Variants in ZW10 observed in about 807,000 individuals in gnomAD.
ZW10 encodes the protein zw10 kinetochore protein, also known as centromere/kinetochore protein zw10 homolog.
ZW10 carries 53 observed loss-of-function variants against 87.8 expected under a neutral mutation model. The ratio of observed to expected loss-of-function variants is 0.60; its 90% CI spans 0.48 to 0.76. The LOEUF (loss-of-function observed/expected upper bound fraction) is 0.76, where lower values mean the gene tolerates loss of function less well. ZW10 is among the 30% of genes least tolerant of loss of function. The pLI is 0.00. For missense variants in ZW10, 837 were observed against 923.0 expected, an observed-to-expected ratio of 0.91 and a Z score of 1.21; for synonymous variants, 312 against 329.2, an observed-to-expected ratio of 0.95 and a Z score of 0.57.
In ZW10 at chr11:113,773,604, C is replaced by G. The variant is rs1937669244; in HGVS notation, c.63G>C (p.Gly21=). 3.7e-6 allele frequency: 6 copies of G among 1,613,886 alleles called. No individual in the cohort carries two copies. In the African/African-American group the frequency reaches 8.0e-5, roughly 22 times the overall value. Residue 21 remains glycine, a synonymous_variant, in exon 1 of 16, where the codon GGG becomes GGC. Transcript: ENST00000200135. ...GCCGGGTCAGGCGGCTGATCCGGGTCCCCAGATCCTCCTTTTCCAGCCTCC... is the reference window on the plus strand; with the variant it reads ...GCCGGGTCAGGCGGCTGATCCGGGTGCCCAGATCCTCCTTTTCCAGCCTCC... ...HSGRLEKEDL[G]TRISRLTRRV... is the part of the protein sequence containing the mutation.
In ZW10 at chr11:113,760,900, C is replaced by A. The variant is rs150108580; in HGVS notation, c.259G>T (p.Val87Leu). Residue 87 changes from valine to leucine, a missense_variant, in exon 3 of 16, where the codon GTA (valine) becomes TTA (leucine). Physicochemically the swap from Val to Leu is conservative, Grantham distance 32. Coordinates refer to ENST00000200135, the MANE Select transcript of ZW10 (RefSeq NM_004724.4). ...AAGTCTGTAAATTCACCGGTTGATA[C>A]GTGAAGATCCCGGCGGACCTAATTC... ...IESEVRRDLH[V>L]STGEFTDLKQ... The A allele has an allele frequency of 3.1e-6, 5 of 1,613,934 alleles. No individual in the cohort carries two copies. The highest frequency in any genetic ancestry group is 3.3e-4 in the Middle Eastern group (2 of 6,062).
rs71063523 is a variant in ZW10 at position 113,770,970 on chromosome 11, ATT to A, written c.106-2005_106-2004del. On this transcript the variant is annotated intron_variant, in intron 1 of 15. Transcript: ENST00000200135. The stretch of plus-strand genomic sequence containing the variant: ...CTCAAGTCGGGGACTTGAGGATGCT[ATT>A]TTTTTTTTTTTTTTTTTTGAGACAG... Among the ~76,000 whole-genome samples the A allele has an allele frequency of 6.9e-4, 80 of 116,210 alleles. No homozygotes were observed. In the East Asian group the frequency reaches 7.6e-3, roughly 11 times the overall value. 76.2% of individuals were successfully genotyped at this position (116,210 alleles called of 152,430 possible).
At chr11:113,744,605 T>C (rs1336840879) in intron 9 of ZW10, among the ~76,000 whole-genome samples, 1 of 152,104 alleles carries the variant, frequency 6.6e-6, no homozygotes, top group Non-Finnish European at 1.5e-5. Flanking sequence ...AGCACTCTTT[T>C]TGAGACAGGG....
chr11:113,748,471 G>A (rs753819090), intron 7 of ZW10, 51 bp from the exon 8 acceptor site: 62 of 1,465,990 alleles, frequency 4.2e-5, no homozygotes, highest in Non-Finnish European at 5.1e-5. Context: ...TCGCAGTCCT[G>A]GAATATTCTT....
intron 11 of ZW10, among the ~76,000 whole-genome samples, chr11:113,739,636 C>A (rs1219450397): frequency 6.6e-6 from 1 of 152,168 alleles, no homozygotes; most frequent in African/African-American, 2.4e-5. Flanking sequence ...AGATGTTTGC[C>A]TGAGTCAACT....
At position 113,766,319 on chromosome 11, in the gene ZW10, T is replaced by C. The variant is rs536779153; in HGVS notation, c.240+2514A>G. Reference sequence around the variant, plus strand: ...GGTTGAGGCTGCAGTGAGCCTTGACTGTGCCACCCCACTCCAGCCTAGGCA... The same window carrying C: ...GGTTGAGGCTGCAGTGAGCCTTGACCGTGCCACCCCACTCCAGCCTAGGCA... On this transcript the variant is annotated intron_variant, in intron 2 of 15. Transcript: ENST00000200135. 2.8e-4 allele frequency among the ~76,000 whole-genome samples: 43 copies of C among 151,990 alleles called. No individual in the cohort carries two copies. In the East Asian group the frequency reaches 7.6e-3, roughly 27 times the overall value.
intron 7 of ZW10, among the ~76,000 whole-genome samples, chr11:113,754,663 A>C (rs1953764648): frequency 6.6e-6 from 1 of 152,080 alleles, no homozygotes; most frequent in African/African-American, 2.4e-5. Context: ...CCAGGAGTGC[A>C]GTAACGTGAA....
chr11:113,766,922 C>G (rs1350542891), intron 2 of ZW10, among the ~76,000 whole-genome samples: 1 of 151,886 alleles, frequency 6.6e-6, no homozygotes, highest in Non-Finnish European at 1.5e-5. Context: ...GAGGCTGAGG[C>G]AGGAGAATTG....
In ZW10 at chr11:113,733,592, T is replaced by C. The variant is rs1953514788; in HGVS notation, c.*102A>G. On this transcript the variant is annotated 3_prime_UTR_variant, in exon 16 of 16. Coordinates refer to ENST00000200135, the MANE Select transcript of ZW10 (RefSeq NM_004724.4). ...AAGTCAAACTTCCAAGATGTACTGG[T>C]TCACCAAAACCAATGGGCGATTCAA... is the stretch of plus-strand genomic sequence containing the variant. The C allele has an allele frequency of 2.0e-6, 3 of 1,532,620 alleles. No homozygotes were observed. The highest frequency in any genetic ancestry group is 2.7e-6 in the Non-Finnish European group (3 of 1,118,954). The allele number at this position is 1,532,620 out of a possible 1,614,324, so 94.9% of individuals were successfully genotyped here.
rs768843839 is a variant in ZW10, at chr11:113,748,400, G to T, written c.946C>A (p.Leu316Met). Residue 316 changes from leucine (L) to methionine (M), a missense_variant, in exon 8 of 16, where the codon CTG (leucine) becomes ATG (methionine). Physicochemically the swap from Leu to Met is conservative, Grantham distance 15 (BLOSUM62 2). Coordinates refer to ENST00000200135, the MANE Select transcript of ZW10 (RefSeq NM_004724.4). ...QLLDLPLDTD[L>M]ENEKTSTVPL... Reference sequence around the variant, plus strand: ...ACAGTAGATGTTTTTTCATTTTCCAGGTCAGTGTCAAGTGGCAAATCTGAA... The same window carrying T: ...ACAGTAGATGTTTTTTCATTTTCCATGTCAGTGTCAAGTGGCAAATCTGAA... 1 of 1,598,774 alleles carries T rather than the reference G, an allele frequency of 6.3e-7. No homozygotes were observed.
rs1334096736 is a variant in ZW10, at chr11:113,758,819, C to T, written c.581-113G>A. 4 of 937,456 alleles carry T rather than the reference C, an allele frequency of 4.3e-6. No homozygotes were observed. The East Asian group carries it at 1.0e-4, about 24-fold the overall frequency. 58.1% of individuals were successfully genotyped at this position (937,456 alleles called of 1,614,324 possible). A position where few individuals can be genotyped will look rare whatever the true frequency, so the allele number is the denominator to read the frequency against. Reference sequence around the variant, plus strand: ...CAATGCAGTTCTATTACAATATACTCCTAATGCAACCAAATATGAATTATG... The same window carrying T: ...CAATGCAGTTCTATTACAATATACTTCTAATGCAACCAAATATGAATTATG... On this transcript the variant is annotated intron_variant, in intron 5 of 15. Transcript: ENST00000200135.
At chr11:113,747,032 G>GA (rs999239658) in intron 9 of ZW10, among the ~76,000 whole-genome samples, 7 of 145,074 alleles carry the variant, frequency 4.8e-5, no homozygotes, top group East Asian at 2.0e-4. Flanking sequence ...TGTAAGATAT[G>GA]AAAAAAAAAA....
chr11:113,758,854 T>C (rs773258753), intron 5 of ZW10, 148 bp from the exon 6 acceptor site: 6 of 767,278 alleles, frequency 7.8e-6, no homozygotes, highest in African/African-American at 1.8e-5. Context: ...GACATACATG[T>C]CCTTGGCATC....
At chr11:113,737,074 G>C (rs1248226344) in intron 14 of ZW10, among the ~76,000 whole-genome samples, 1 of 152,204 alleles carries the variant, frequency 6.6e-6, no homozygotes, top group African/African-American at 2.4e-5. Context: ...TTCTCCAATA[G>C]AATGTCGCAC....
rs375140483 is a variant in ZW10 at position 113,739,304 on chromosome 11, G to T, written c.1662C>A (p.Thr554=). Residue 554 remains threonine (T), a synonymous_variant, in exon 12 of 16, where the codon ACC becomes ACA. Transcript: ENST00000200135. ...NCMYIAHHLL[T]LGHQFRLRLA... is the part of the protein sequence containing the mutation. ...GACGCAATCTGAACTGATGCCCGAG[G>T]GTCAGCAAGTGGTGAGCAATGTACA... 3 of 1,613,656 alleles carry T rather than the reference G, an allele frequency of 1.9e-6. No individual in the cohort carries two copies. The highest frequency in any genetic ancestry group is 3.3e-5 in the Admixed American group (2 of 59,948).
chr11:113,760,277 T>C lies in ZW10; in HGVS notation c.512A>G (p.Gln171Arg), dbSNP rs1953843234. The C allele has an allele frequency of 6.2e-7, 1 of 1,614,076 alleles. No individual in the cohort carries two copies. The highest frequency in any genetic ancestry group is 1.1e-5 in the South Asian group (1 of 91,086). Reference protein sequence around the residue: ...SLSMELTIQKQNILYHLGEEW... With the variant: ...SLSMELTIQKRNILYHLGEEW... The stretch of plus-strand genomic sequence containing the variant: ...TTCTCCAAGGTGATAAAGTATGTTC[T>C]GTTTCTGTATTGTGAGCTCCATGCT... Residue 171 changes from glutamine to arginine, a missense_variant, in exon 5 of 16, where the codon CAG becomes CGG. Physicochemically the swap from Gln to Arg is conservative, Grantham distance 43 (BLOSUM62 1). Coordinates refer to ENST00000200135, the MANE Select transcript of ZW10 (RefSeq NM_004724.4).
intron 7 of ZW10, among the ~76,000 whole-genome samples, chr11:113,755,233 A>T (rs1323854233): frequency 1.3e-5 from 2 of 152,198 alleles, no homozygotes; most frequent in Non-Finnish European, 2.9e-5. Context: ...TCTTCTAGAA[A>T]GGATTCACCA....
Position 113,747,727 on chromosome 11 carries a change from G to GAA in ZW10, c.1090-16_1090-15dup. The GAA allele has an allele frequency of 6.5e-7, 1 of 1,537,018 alleles. No homozygotes were observed. The highest frequency in any genetic ancestry group is 1.2e-5 in the South Asian group (1 of 80,148). On this transcript the variant is annotated splice_polypyrimidine_tract_variant and intron_variant, in intron 8 of 15. Transcript: ENST00000200135. Reference sequence around the variant, plus strand: ...GGACTGTATGATCTGAGATACAAAAGAAAAAAAAGAAAAGAATCATTTACA... The same window carrying GAA: ...GGACTGTATGATCTGAGATACAAAAGAAAAAAAAAAGAAAAGAATCATTTACA...
chr11:113,737,467 A>G, intron 14 of ZW10, 105 bp downstream of exon 14: 1 of 1,171,596 alleles, frequency 8.5e-7, no homozygotes. Context: ...AGCATGAGTT[A>G]GACATGAAAC....
Sources: gnomAD v4.1 joint callset for allele counts (sites outside exome capture counted in the v4.1 genomes callset) on GRCh38, gnomAD v4.1.1 for gene constraint, MANE v1.5 for transcripts, NCBI Gene and HGNC (gene_info 2026-07-23, HGNC 2026-07-21) for gene names.